SFXN1: variants seen among roughly 807,000 people sequenced by gnomAD.
The protein encoded by SFXN1 is sideroflexin-1.
In SFXN1, 32 loss-of-function variants were observed where a neutral mutation model predicts 39.5. The observed-to-expected ratio is 0.81, with a 90% CI of 0.61 to 1.09. The LOEUF (loss-of-function observed/expected upper bound fraction) is 1.09, where lower values mean the gene tolerates loss of function less well. SFXN1 is among the 50% of genes least tolerant of loss of function. The probability of loss-of-function intolerance (pLI) is 0.00; values close to 1 mark genes in which losing one functional copy is unlikely to be tolerated. For missense variants in SFXN1, 402 were observed against 407.1 expected (o/e 0.99, Z 0.11); for synonymous variants, 136 against 146.5 (o/e 0.93, Z 0.52).
At chr5:175,507,620 C>T (rs2644676) in intron 2 of SFXN1, among the ~76,000 whole-genome samples, 37,748 of 152,056 alleles carry the variant, frequency 0.25, 6,457 homozygotes, top group African/African-American at 0.48. Context: ...ACAATGAATA[C>T]GTGCTTCTTT....
chr5:175,501,207 T>TA (rs1039378748), intron 2 of SFXN1, among the ~76,000 whole-genome samples: 24 of 151,884 alleles, frequency 1.6e-4, no homozygotes, highest in African/African-American at 4.4e-4. Context: ...TAGCTAGGAT[T>TA]ACAGGTACGT....
Position 175,526,818 on chromosome 5 carries a change from G to C in SFXN1, c.*84G>C, listed in dbSNP as rs1581337774. The C allele has an allele frequency of 8.9e-7, 1 of 1,123,644 alleles. No individual in the cohort carries two copies. The highest frequency in any genetic ancestry group is 2.1e-4 in the Middle Eastern group (1 of 4,834). The allele number at this position is 1,123,644 out of a possible 1,614,324, so 69.6% of individuals were successfully genotyped here. A position where few individuals can be genotyped will look rare whatever the true frequency, so the allele number is the denominator to read the frequency against. ...GGTGAGAAAAATCCTGTTCAACCTG[G>C]GTTCTCCCAGTTACGGAAACCTTTT... On this transcript the variant is annotated 3_prime_UTR_variant, in exon 11 of 11. Coordinates refer to ENST00000321442, the MANE Select transcript of SFXN1 (RefSeq NM_022754.7).
intron 2 of SFXN1, among the ~76,000 whole-genome samples, chr5:175,508,222 A>ATTT (rs67028708): frequency 2.8e-4 from 18 of 63,904 alleles, no homozygotes; most frequent in African/African-American, 6.6e-4. Flanking sequence ...AATAGATTTG[A>ATTT]TTTTTTTTTT....
At chr5:175,482,310 T>C (rs1447939706) in intron 1 of SFXN1, among the ~76,000 whole-genome samples, 1 of 152,230 alleles carries the variant, frequency 6.6e-6, no homozygotes, top group Non-Finnish European at 1.5e-5. Flanking sequence ...AACGCAGTTA[T>C]CATTGGTACT....
At chr5:175,492,585 C>G (rs1759700791) in intron 2 of SFXN1, 1 of 206,740 alleles carries the variant, frequency 4.8e-6, no homozygotes, top group African/African-American at 2.3e-5. Flanking sequence ...ACATCCACAA[C>G]CCCTCCGTGC....
chr5:175,499,924 C>A (rs1419017598), intron 2 of SFXN1, among the ~76,000 whole-genome samples: 1 of 152,248 alleles, frequency 6.6e-6, no homozygotes, highest in Non-Finnish European at 1.5e-5. Flanking sequence ...CGCAGTGGCT[C>A]ATGCCTGTAA....
intron 6 of SFXN1, 28 bp downstream of exon 6, chr5:175,512,224 G>A (rs747172366): frequency 6.3e-7 from 1 of 1,589,498 alleles, no homozygotes; most frequent in Non-Finnish European, 8.6e-7. Context: ...TCTTAGTAGG[G>A]ACATGTGCTT....
At chr5:175,505,017 C>T (rs569704254) in intron 2 of SFXN1, among the ~76,000 whole-genome samples, 12 of 152,220 alleles carry the variant, frequency 7.9e-5, no homozygotes, top group East Asian at 5.8e-4. Context: ...CATGAGCCAT[C>T]GCACCCGGCC....
At chr5:175,482,143 T>A (rs1759276687) in intron 1 of SFXN1, among the ~76,000 whole-genome samples, 1 of 152,206 alleles carries the variant, frequency 6.6e-6, no homozygotes, top group African/African-American at 2.4e-5. Context: ...GAAAGCCTAG[T>A]GTCTGGGTGT....
chr5:175,516,615 C>T lies in SFXN1; in HGVS notation c.726C>T (p.Ala242=). 1 of 1,610,438 alleles carries T rather than the reference C, an allele frequency of 6.2e-7. No individual in the cohort carries two copies. Among genetic ancestry groups the T allele is most frequent in the Non-Finnish European group, 8.5e-7 (1 of 1,178,750 alleles). The change falls in exon 8 of 11, where the codon GCC becomes GCT. Residue 242 remains alanine (A), a splice_region_variant and synonymous_variant. Transcript: ENST00000321442. ...SRILMAAPGM[A]IPPFIMNTLE... ...AAGTGGATCTATCTTTATTTCCAGCCATCCCTCCATTCATTATGAACACTT... is the reference window on the plus strand; with the variant it reads ...AAGTGGATCTATCTTTATTTCCAGCTATCCCTCCATTCATTATGAACACTT...
At chr5:175,522,021 A>G (rs992732656) in intron 9 of SFXN1, 53 bp downstream of exon 9, 2 of 1,440,940 alleles carry the variant, frequency 1.4e-6, no homozygotes, top group Non-Finnish European at 1.9e-6. Context: ...ATAAATACAC[A>G]GCGTATGAAA....
chr5:175,483,467 A>G (rs1759332223), intron 1 of SFXN1: 2 of 152,194 alleles, frequency 1.3e-5, no homozygotes, highest in Admixed American at 1.3e-4. Flanking sequence ...TTGTCCGAGC[A>G]CCAGGAAGCC....
In SFXN1 at chr5:175,510,267, T is replaced by C. The variant is rs1016822620; in HGVS notation, c.434+60T>C. The C allele has an allele frequency of 4.2e-5, 56 of 1,349,084 alleles. No individual in the cohort carries two copies. The African/African-American group carries it at 7.6e-4, about 18-fold the overall frequency. The allele number at this position is 1,349,084 out of a possible 1,614,324, so 83.6% of individuals were successfully genotyped here. Reference sequence around the variant, plus strand: ...CTTCAACCTTCATTTTATTAAGTGGTGATACTCTCCTGTTTAAAAAAGCCT... The same window carrying C: ...CTTCAACCTTCATTTTATTAAGTGGCGATACTCTCCTGTTTAAAAAAGCCT... On this transcript the variant is annotated intron_variant, in intron 4 of 10. Transcript: ENST00000321442.
chr5:175,507,339 G>T (rs1040932404), intron 2 of SFXN1, among the ~76,000 whole-genome samples: 5 of 152,162 alleles, frequency 3.3e-5, no homozygotes, highest in African/African-American at 1.2e-4. Context: ...GGTGAGACAT[G>T]AATTTTGGGG....
chr5:175,489,059 G>A (rs1257151949), intron 1 of SFXN1, among the ~76,000 whole-genome samples: 3 of 152,082 alleles, frequency 2.0e-5, no homozygotes, highest in Non-Finnish European at 4.4e-5. Flanking sequence ...AGAGTCTGTC[G>A]TGTAGTAAGT....
At chr5:175,483,608 T>A (rs1759337356) in intron 1 of SFXN1, 1 of 152,286 alleles carries the variant, frequency 6.6e-6, no homozygotes, top group East Asian at 1.9e-4. Flanking sequence ...AAACTGAGCT[T>A]GCTGGACATG....
Position 175,516,628 on chromosome 5 carries a change from A to G in SFXN1, c.739A>G (p.Ile247Val). The G allele has an allele frequency of 6.2e-7, 1 of 1,613,062 alleles. No homozygotes were observed. The highest frequency in any genetic ancestry group is 8.5e-7 in the Non-Finnish European group (1 of 1,179,630). The change falls in exon 8 of 11, where the codon ATT (isoleucine) becomes GTT (valine). Residue 247 changes from isoleucine (I) to valine (V), a missense_variant. Coordinates refer to ENST00000321442, the MANE Select transcript of SFXN1 (RefSeq NM_022754.7). ...TTTATTTCCAGCCATCCCTCCATTCATTATGAACACTTTGGAAAAGAAAGC... is the reference window on the plus strand; with the variant it reads ...TTTATTTCCAGCCATCCCTCCATTCGTTATGAACACTTTGGAAAAGAAAGC... ...AAPGMAIPPF[I>V]MNTLEKKAFL...
chr5:175,504,504 G>A (rs146729408), intron 2 of SFXN1, among the ~76,000 whole-genome samples: 6,587 of 151,610 alleles, frequency 0.043, 487 homozygotes, highest in African/African-American at 0.15. Flanking sequence ...GAACCTGGGA[G>A]GTGAAGGTTG....
intron 1 of SFXN1, among the ~76,000 whole-genome samples, chr5:175,482,663 C>G (rs115003842): frequency 0.019 from 2,926 of 152,202 alleles, 87 homozygotes; most frequent in African/African-American, 0.066. Context: ...TAATAAAGGC[C>G]TCTTATACTC....
Sources: gnomAD v4.1 joint callset for allele counts (sites outside exome capture counted in the v4.1 genomes callset) on GRCh38, gnomAD v4.1.1 for gene constraint, MANE v1.5 for transcripts, NCBI Gene and HGNC (gene_info 2026-07-23, HGNC 2026-07-21) for gene names.